The following STK3 variants were observed in gnomAD, a reference collection of about 807,000 sequenced individuals.
STK3 encodes the protein serine/threonine-protein kinase 3.
Under a neutral mutation model 58.0 loss-of-function variants are expected in STK3, and 41 were observed. The ratio of observed to expected loss-of-function variants is 0.71; its 90% CI spans 0.55 to 0.92. The LOEUF (loss-of-function observed/expected upper bound fraction) is 0.92, where lower values mean the gene tolerates loss of function less well. Among genes scored for constraint, STK3 ranks in the 40% least tolerant of loss-of-function variants. The pLI is 0.00. For missense variants in STK3, 479 were observed against 602.7 expected (o/e 0.79, Z 2.15); for synonymous variants, 170 against 191.0 (o/e 0.89, Z 0.91).
intron 1 of STK3, among the ~76,000 whole-genome samples, chr8:98,911,585 G>T (rs937262799): frequency 2.0e-5 from 3 of 151,950 alleles, no homozygotes; most frequent in African/African-American, 7.3e-5. Flanking sequence ...GTAGAGACGG[G>T]GTTTCATCGT....
chr8:98,746,591 T>G (rs1829656599), intron 4 of STK3, among the ~76,000 whole-genome samples: 1 of 151,594 alleles, frequency 6.6e-6, no homozygotes, highest in African/African-American at 2.4e-5. Context: ...ACAGCCTGAG[T>G]GACAGAGCAA....
At position 98,905,671 on chromosome 8, in the gene STK3, C is replaced by G. The variant is rs1838869128; in HGVS notation, c.-78-21837G>C. ...GGTTTCTGATGAACAGCTTCATCAT[C>G]CGGACAAGCACCTCTGGGTGGCAGC... On this transcript the variant is annotated intron_variant, in intron 1 of 1. Coordinates refer to the STK3 transcript ENST00000519420. 1.3e-5 allele frequency: 10 copies of G among 742,026 alleles called. No individual in the cohort carries two copies. In the Middle Eastern group the frequency reaches 9.9e-4, roughly 74 times the overall value. 46.0% of individuals were successfully genotyped at this position (742,026 alleles called of 1,614,324 possible). A position where few individuals can be genotyped will look rare whatever the true frequency, so the allele number is the denominator to read the frequency against.
intron 10 of STK3, among the ~76,000 whole-genome samples, chr8:98,472,930 GGA>G (rs1821032165): frequency 6.6e-6 from 1 of 152,086 alleles, no homozygotes; most frequent in Non-Finnish European, 1.5e-5. Flanking sequence ...TCCAGAATTA[GGA>G]GCGAAATGGT....
chr8:98,459,158 G>A (rs1819736920), intron 10 of STK3, among the ~76,000 whole-genome samples: 1 of 152,218 alleles, frequency 6.6e-6, no homozygotes, highest in Non-Finnish European at 1.5e-5. Flanking sequence ...CGTGGCTGAA[G>A]TGGTCTCAGA....
intron 3 of STK3, among the ~76,000 whole-genome samples, chr8:98,842,100 G>A (rs971225129): frequency 6.6e-6 from 1 of 151,770 alleles, no homozygotes; most frequent in East Asian, 1.9e-4. Flanking sequence ...AAACCTATAT[G>A]AATTTTAAAA....
At chr8:98,928,912 C>G (rs533361628) in intron 1 of STK3, among the ~76,000 whole-genome samples, 1 of 152,284 alleles carries the variant, frequency 6.6e-6, no homozygotes, top group South Asian at 2.1e-4. Flanking sequence ...AAGCTCCAAT[C>G]AATATTCCCA....
chr8:98,429,496 G>A (rs1818298011), intron 3 of STK3: 3 of 979,844 alleles, frequency 3.1e-6, no homozygotes, highest in Non-Finnish European at 3.1e-6. Flanking sequence ...TTATGGTTAT[G>A]GTGTAAGGAG....
At chr8:98,375,258 AAC>A (rs1817660932) in intron 2 of STK3, among the ~76,000 whole-genome samples, 1 of 70,820 alleles carries the variant, frequency 1.4e-5, no homozygotes, top group Non-Finnish European at 3.4e-5. Flanking sequence ...CTGTTTCCAA[AAC>A]AAAAAAAAAA....
intron 10 of STK3, among the ~76,000 whole-genome samples, chr8:98,516,505 T>C (rs1445618873): frequency 2.6e-5 from 4 of 152,066 alleles, no homozygotes; most frequent in Non-Finnish European, 5.9e-5. Context: ...AGATGGAAGA[T>C]AGAATTTATT....
chr8:98,506,464 T>C (rs1040293373), intron 10 of STK3, among the ~76,000 whole-genome samples: 1 of 152,220 alleles, frequency 6.6e-6, no homozygotes, highest in South Asian at 2.1e-4. Context: ...AATGCAGAAA[T>C]CACCGTCTTC....
intron 6 of STK3, among the ~76,000 whole-genome samples, chr8:98,605,005 C>G (rs945554744): frequency 3.3e-5 from 5 of 152,170 alleles, no homozygotes; most frequent in Non-Finnish European, 7.3e-5. Context: ...GACATTTGCT[C>G]CAGTTCCCAG....
intron 6 of STK3, among the ~76,000 whole-genome samples, chr8:98,657,853 C>T (rs1821668133): frequency 2.0e-5 from 3 of 151,980 alleles, no homozygotes; most frequent in Non-Finnish European, 2.9e-5. Flanking sequence ...AACAGTCTAC[C>T]TACCACCCCT....
At chr8:98,634,523 G>A (rs938091583) in intron 6 of STK3, among the ~76,000 whole-genome samples, 14 of 151,606 alleles carry the variant, frequency 9.2e-5, no homozygotes, top group Non-Finnish European at 1.8e-4. Context: ...AAATAAAGGC[G>A]GAAGATTGGA....
At chr8:98,403,928 G>C (rs958252636) in intron 3 of STK3, among the ~76,000 whole-genome samples, 8 of 152,342 alleles carry the variant, frequency 5.3e-5, no homozygotes, top group Admixed American at 1.3e-4. Context: ...GGGGATATAT[G>C]CAGATTTTGT....
intron 6 of STK3, among the ~76,000 whole-genome samples, chr8:98,630,673 G>GAGAAGGAGA (rs1563825656): frequency 6.7e-6 from 1 of 149,108 alleles, no homozygotes; most frequent in Non-Finnish European, 1.5e-5. Context: ...GGAGAAGGAG[G>GAGAAGGAGA]AGAAGGAGGA....
At chr8:98,637,652 A>C (rs574671027) in intron 6 of STK3, among the ~76,000 whole-genome samples, 23 of 152,266 alleles carry the variant, frequency 1.5e-4, no homozygotes, top group South Asian at 8.3e-4. Flanking sequence ...TTCAACTCCA[A>C]TGTCTTATTT....
intron 10 of STK3, among the ~76,000 whole-genome samples, chr8:98,459,032 T>C (rs2131153556): frequency 6.6e-6 from 1 of 152,278 alleles, no homozygotes; most frequent in Admixed American, 6.5e-5. Flanking sequence ...GGGCAGAGGT[T>C]GGAATAGTTT....
chr8:98,677,378 C>T (rs981742158), intron 6 of STK3, among the ~76,000 whole-genome samples: 2 of 119,940 alleles, frequency 1.7e-5, no homozygotes, highest in Non-Finnish European at 3.2e-5. Flanking sequence ...CTCTTCTTGG[C>T]TACCGAACTT....
At chr8:98,371,693 A>G (rs1291074119) in intron 2 of STK3, 2 of 152,174 alleles carry the variant, frequency 1.3e-5, no homozygotes, top group Non-Finnish European at 2.9e-5. Context: ...AGGAGAACAG[A>G]ACTTTAGAGG....
Sources: allele counts gnomAD v4.1 joint callset (sites outside exome capture counted in the v4.1 genomes callset), GRCh38; gene constraint gnomAD v4.1.1; transcripts MANE v1.5; gene names NCBI Gene and HGNC (gene_info 2026-07-23, HGNC 2026-07-21).